Variants in GNG12 observed in about 807,000 individuals in gnomAD.
The protein encoded by GNG12 is G protein subunit gamma 12, also known as guanine nucleotide-binding protein G(I)/G(S)/G(O) subunit gamma-12.
For synonymous variants in GNG12, 28 were observed against 29.7 expected (o/e 0.94, Z 0.19); for missense variants, 69 against 83.8 (o/e 0.82, Z 0.69).
intron 1 of GNG12, among the ~76,000 whole-genome samples, chr1:67,816,535 C>T (rs917748206): frequency 1.3e-5 from 2 of 152,182 alleles, no homozygotes; most frequent in African/African-American, 4.8e-5. Context: ...GGACAGGGCC[C>T]TCTGCCTCCA....
intron 2 of GNG12, among the ~76,000 whole-genome samples, chr1:67,726,057 G>C (rs1646383443): frequency 6.6e-6 from 1 of 152,176 alleles, no homozygotes; most frequent in South Asian, 2.1e-4. Flanking sequence ...AATGGAGTAG[G>C]AGGATTCCTG....
At chr1:67,816,987 G>A (rs1362908827) in intron 1 of GNG12, among the ~76,000 whole-genome samples, 3 of 152,178 alleles carry the variant, frequency 2.0e-5, no homozygotes, top group African/African-American at 7.2e-5. Context: ...AGTGCTTTAA[G>A]TTATTTTGAT....
intron 2 of GNG12, among the ~76,000 whole-genome samples, chr1:67,725,448 G>A (rs1646380018): frequency 6.6e-6 from 1 of 152,162 alleles, no homozygotes; most frequent in African/African-American, 2.4e-5. Context: ...GACCAGCAAG[G>A]TGAACATTTT....
chr1:67,748,686 T>C (rs753505742), intron 2 of GNG12, among the ~76,000 whole-genome samples: 1 of 152,220 alleles, frequency 6.6e-6, no homozygotes, highest in Non-Finnish European at 1.5e-5. Flanking sequence ...TTAAATGTCA[T>C]GGTTTTGTGT....
At chr1:67,766,053 T>C (rs7542954) in intron 2 of GNG12, among the ~76,000 whole-genome samples, 20,901 of 151,148 alleles carry the variant, frequency 0.14, 2,131 homozygotes, top group African/African-American at 0.29. Context: ...TATTCAACCC[T>C]AAGTTTACAA....
intron 2 of GNG12, among the ~76,000 whole-genome samples, chr1:67,757,641 G>A (rs116469256): frequency 1.2e-3 from 178 of 152,232 alleles, no homozygotes; most frequent in African/African-American, 4.2e-3. Context: ...CCTGCCTTCC[G>A]GGGGACCTTG....
intron 2 of GNG12, among the ~76,000 whole-genome samples, chr1:67,762,074 A>G (rs780343838): frequency 1.3e-5 from 2 of 152,140 alleles, no homozygotes; most frequent in Non-Finnish European, 2.9e-5. Flanking sequence ...GATATGCTGC[A>G]ATGTTTAGCC....
At position 67,761,172 on chromosome 1, in the gene GNG12, T is replaced by A. The variant is rs115509321; in HGVS notation, c.-27+16286A>T. Reference sequence around the variant, plus strand: ...TCGGTTTTCCTGACCAAGAGTCTAGTGTTCCCTCTCTATACACTGTGCTGG... The same window carrying A: ...TCGGTTTTCCTGACCAAGAGTCTAGAGTTCCCTCTCTATACACTGTGCTGG... On this transcript the variant is annotated intron_variant, in intron 2 of 3. Coordinates refer to ENST00000370982, the MANE Select transcript of GNG12 (RefSeq NM_018841.6). Among the ~76,000 whole-genome samples, 492 of 152,316 alleles carry A rather than the reference T, an allele frequency of 3.2e-3. 3 individuals carry two copies. Among genetic ancestry groups the A allele is most frequent in the African/African-American group, 0.011 (464 of 41,572 alleles).
intron 2 of GNG12, among the ~76,000 whole-genome samples, chr1:67,769,107 G>A (rs1646658137): frequency 6.6e-6 from 1 of 152,188 alleles, no homozygotes; most frequent in Admixed American, 6.5e-5. Flanking sequence ...AGTACATGAT[G>A]GAACTACCCA....
intron 1 of GNG12, among the ~76,000 whole-genome samples, chr1:67,780,320 A>G (rs373623825): frequency 6.6e-6 from 1 of 152,154 alleles, no homozygotes; most frequent in African/African-American, 2.4e-5. Flanking sequence ...GTAAACCCAG[A>G]CAATTTGGTT....
At chr1:67,711,108 C>T (rs1646292747) in intron 2 of GNG12, among the ~76,000 whole-genome samples, 1 of 152,148 alleles carries the variant, frequency 6.6e-6, no homozygotes, top group Admixed American at 6.5e-5. Context: ...ACCCAGAATA[C>T]AAATTAAAGT....
chr1:67,749,370 A>G (rs1646525635), intron 2 of GNG12, among the ~76,000 whole-genome samples: 2 of 152,214 alleles, frequency 1.3e-5, no homozygotes, highest in East Asian at 3.8e-4. Flanking sequence ...AAGCCCTTCC[A>G]AGGCTGTAAA....
intron 2 of GNG12, among the ~76,000 whole-genome samples, chr1:67,763,432 T>C (rs1198828272): frequency 6.6e-6 from 1 of 152,220 alleles, no homozygotes; most frequent in Non-Finnish European, 1.5e-5. Flanking sequence ...GCTGGTTATT[T>C]TGTGGAATGT....
chr1:67,777,540 A>G, intron 1 of GNG12, 33 bp from the exon 2 acceptor site: 1 of 509,092 alleles, frequency 2.0e-6, no homozygotes, highest in Non-Finnish European at 2.5e-6. Context: ...TTCCATAAGT[A>G]AATCACATTT....
chr1:67,701,798 A>G lies in GNG12; in HGVS notation c.*3653T>C, dbSNP rs1646216834. 6.5e-6 allele frequency: 1 copy of G among 152,690 alleles called. No individual in the cohort carries two copies. The allele number at this position is 152,690 out of a possible 1,614,324, so 9.5% of individuals were successfully genotyped here. Reference sequence around the variant, plus strand: ...GTTACATGGCTAAAAACAAGACATTATTACAGTAACCAAGTCCATAAAACT... The same window carrying G: ...GTTACATGGCTAAAAACAAGACATTGTTACAGTAACCAAGTCCATAAAACT... On this transcript the variant is annotated 3_prime_UTR_variant, in exon 4 of 4. Coordinates refer to ENST00000370982, the MANE Select transcript of GNG12 (RefSeq NM_018841.6).
intron 2 of GNG12, among the ~76,000 whole-genome samples, chr1:67,718,367 A>T (rs1646338567): frequency 6.6e-6 from 1 of 152,192 alleles, no homozygotes; most frequent in African/African-American, 2.4e-5. Flanking sequence ...ATATTAAAAA[A>T]AAAAGTGAAA....
At chr1:67,772,667 C>G (rs1034021250) in intron 2 of GNG12, 1 of 152,108 alleles carries the variant, frequency 6.6e-6, no homozygotes, top group African/African-American at 2.4e-5. Flanking sequence ...CTCCTTTTTC[C>G]ATGGGGAACC....
chr1:67,769,766 A>C (rs1358286459), intron 2 of GNG12, among the ~76,000 whole-genome samples: 2 of 152,082 alleles, frequency 1.3e-5, no homozygotes, highest in Admixed American at 1.3e-4. Context: ...ATTTTCCCAA[A>C]CATTTCCCAT....
chr1:67,732,591 C>T (rs368120457), intron 2 of GNG12, among the ~76,000 whole-genome samples: 3 of 152,240 alleles, frequency 2.0e-5, no homozygotes, highest in South Asian at 4.1e-4. Flanking sequence ...TAGCTCACTA[C>T]AGCTAATAAT....
Sources: gnomAD v4.1 joint callset for allele counts (sites outside exome capture counted in the v4.1 genomes callset) on GRCh38, gnomAD v4.1.1 for gene constraint, MANE v1.5 for transcripts, NCBI Gene and HGNC (gene_info 2026-07-23, HGNC 2026-07-21) for gene names.